The following PNN variants were observed in gnomAD, a reference collection of about 807,000 sequenced individuals.
The protein encoded by PNN is pinin, desmosome associated protein, also known as pinin.
A neutral mutation model predicts 76.6 loss-of-function variants in PNN; 38 were observed. The observed-to-expected ratio is 0.50, with a 90% CI of 0.38 to 0.65. The LOEUF (loss-of-function observed/expected upper bound fraction) is 0.65. Among genes scored for constraint, PNN ranks in the 30% least tolerant of loss-of-function variants. The pLI, the probability that PNN is intolerant of heterozygous loss-of-function variation, is 0.00. For missense variants in PNN, 873 were observed against 874.1 expected (o/e 1.00, Z 0.02); for synonymous variants, 366 against 283.7 (o/e 1.29, Z -2.91).
rs186536891 is a variant in PNN at position 39,179,949 on chromosome 14, A to G, written c.793+487A>G. On this transcript the variant is annotated intron_variant, in intron 8 of 8. Coordinates refer to ENST00000216832, the MANE Select transcript of PNN (RefSeq NM_002687.4). ...TCTGAGATGCTGGTGAGTTTGTAGT[A>G]TAGGAATATTTGTATCATGATGGAG... 1.4e-4 allele frequency among the ~76,000 whole-genome samples: 22 copies of G among 152,070 alleles called. No homozygotes were observed. In the East Asian group the frequency reaches 3.9e-3, roughly 27 times the overall value.
intron 6 of PNN, among the ~76,000 whole-genome samples, chr14:39,178,742 AAAAATT>A (rs1430633123): frequency 2.7e-5 from 4 of 147,060 alleles, no homozygotes; most frequent in African/African-American, 1.1e-4. Flanking sequence ...AAAAAAAAAA[AAAAATT>A]TTTTTTGAGA....
chr14:39,179,849 C>T (rs2053256859), intron 8 of PNN, among the ~76,000 whole-genome samples: 1 of 151,482 alleles, frequency 6.6e-6, no homozygotes, highest in Non-Finnish European at 1.5e-5. Context: ...TTGCAGTGAG[C>T]CGAGATTACG....
chr14:39,176,344 T>G (rs1019152487), intron 2 of PNN, 183 bp from the exon 3 acceptor site: 14 of 635,766 alleles, frequency 2.2e-5, no homozygotes, highest in Admixed American at 6.3e-5. Context: ...ATATTAAGTT[T>G]ACCAATTTTG....
Position 39,177,312 on chromosome 14 carries a change from G to C in PNN, c.255-100G>C, listed in dbSNP as rs1050059267. ...GAGGCAGGAGGATCACTTGAGCCTG[G>C]GAGGTCGAGGCTGCAGTGAACCGTG... On this transcript the variant is annotated intron_variant, in intron 3 of 8. Transcript: ENST00000216832. 28 of 867,364 alleles carry C rather than the reference G, an allele frequency of 3.2e-5. No individual in the cohort carries two copies. In the Admixed American group the frequency reaches 6.4e-4, roughly 20 times the overall value. The allele number at this position is 867,364 out of a possible 1,614,324, so 53.7% of individuals were successfully genotyped here.
In PNN at chr14:39,179,901, C is replaced by CA. The variant is rs548024138; in HGVS notation, c.793+454dup. Among the ~76,000 whole-genome samples the CA allele has an allele frequency of 4.6e-3, 523 of 112,942 alleles. 8 individuals are homozygous for CA. Among genetic ancestry groups the CA allele is most frequent in the East Asian group, 0.017 (66 of 3,816 alleles). The allele number at this position is 112,942 out of a possible 152,430, so 74.1% of individuals were successfully genotyped here. A position where few individuals can be genotyped will look rare whatever the true frequency, so the allele number is the denominator to read the frequency against. On this transcript the variant is annotated intron_variant, in intron 8 of 8. Transcript: ENST00000216832. Reference sequence around the variant, plus strand: ...TGGGCAACAGAGCTAGACTCCATCTCAAAAAAAAAAAAAAAGATACATTCT... The same window carrying CA: ...TGGGCAACAGAGCTAGACTCCATCTCAAAAAAAAAAAAAAAAGATACATTCT...
At position 39,181,333 on chromosome 14, in the gene PNN, G is replaced by A. The variant is rs1350306260; in HGVS notation, c.1624G>A (p.Val542Ile). ...VESVKLTEVP[V>I]EPVLTVHPES... ...GTCTGTAAAACTCACTGAGGTACCAGTAGAGCCAGTCTTGACAGTACATCC... is the reference window on the plus strand; with the variant it reads ...GTCTGTAAAACTCACTGAGGTACCAATAGAGCCAGTCTTGACAGTACATCC... The change falls in exon 9 of 9, where the codon GTA (valine) becomes ATA (isoleucine). Residue 542 changes from valine to isoleucine, a missense_variant. Transcript: ENST00000216832. 1.2e-6 allele frequency: 2 copies of A among 1,614,082 alleles called. No individual in the cohort carries two copies. Among genetic ancestry groups the A allele is most frequent in the African/African-American group, 1.3e-5 (1 of 74,940 alleles).
Position 39,180,833 on chromosome 14 carries a change from G to T in PNN, c.1124G>T (p.Ser375Ile). The change falls in exon 9 of 9, where the codon AGT becomes ATT. Residue 375 changes from serine to isoleucine, a missense_variant. Around this residue, in one of 3 missense-constraint regions of PNN, gnomAD observed 712 missense variants for 693.1 expected, o/e 1.03. Coordinates refer to ENST00000216832, the MANE Select transcript of PNN (RefSeq NM_002687.4). The part of the protein sequence containing the change: ...KMEEETEVRE[S>I]EKQQDSQPEE... ...GAGGAGGAAACTGAGGTAAGGGAAA[G>T]TGAGAAGCAGCAGGATAGTCAGCCT... is the stretch of plus-strand genomic sequence containing the variant. 6.2e-7 allele frequency: 1 copy of T among 1,614,108 alleles called. No individual in the cohort carries two copies. The highest frequency in any genetic ancestry group is 8.5e-7 in the Non-Finnish European group (1 of 1,179,998).
rs548409787 is a variant in PNN at position 39,178,801 on chromosome 14, G to A, written c.499-290G>A. Among the ~76,000 whole-genome samples, 6 of 151,804 alleles carry A rather than the reference G, an allele frequency of 4.0e-5. No homozygotes were observed. The South Asian group carries it at 1.0e-3, about 26-fold the overall frequency. ...TGCTCAGGCTGGAGTGTAGTGGCGTGATCTCAGCTCACTGCAACCTCCGCC... is the reference window on the plus strand; with the variant it reads ...TGCTCAGGCTGGAGTGTAGTGGCGTAATCTCAGCTCACTGCAACCTCCGCC... On this transcript the variant is annotated intron_variant, in intron 6 of 8. Coordinates refer to ENST00000216832, the MANE Select transcript of PNN (RefSeq NM_002687.4).
At position 39,180,966 on chromosome 14, in the gene PNN, T is replaced by C. The variant is rs748307450; in HGVS notation, c.1257T>C (p.Asn419=). ...TTGAAAGTGTAGAACCTTCAGAAAA[T>C]GAAGCTAGCAAAGAATTGGAACCAG... ...NRVESVEPSE[N]EASKELEPEM... Residue 419 remains asparagine, a synonymous_variant, in exon 9 of 9, where the codon AAT becomes AAC. Transcript: ENST00000216832. 6.2e-7 allele frequency: 1 copy of C among 1,613,636 alleles called. No individual in the cohort carries two copies. The highest frequency in any genetic ancestry group is 8.5e-7 in the Non-Finnish European group (1 of 1,179,898).
intron 1 of PNN, 195 bp from the exon 2 acceptor site, chr14:39,175,883 C>T: frequency 3.6e-6 from 2 of 559,704 alleles, no homozygotes; most frequent in Non-Finnish European, 6.3e-6. Context: ...ATTTCTGTGA[C>T]ACAGGTCCTG....
chr14:39,179,648 C>T (rs1420025297), intron 8 of PNN, among the ~76,000 whole-genome samples, 186 bp downstream of exon 8: 1 of 151,830 alleles, frequency 6.6e-6, no homozygotes, highest in Non-Finnish European at 1.5e-5. Flanking sequence ...AATCCCAGCA[C>T]TTTGGGAGGC....
In PNN at chr14:39,181,864, T is replaced by C; in HGVS notation, c.*1T>C. 6.4e-7 allele frequency: 1 copy of C among 1,569,564 alleles called. No homozygotes were observed. Among genetic ancestry groups the C allele is most frequent in the Non-Finnish European group, 8.6e-7 (1 of 1,165,114 alleles). On this transcript the variant is annotated 3_prime_UTR_variant, in exon 9 of 9. Coordinates refer to ENST00000216832, the MANE Select transcript of PNN (RefSeq NM_002687.4). Reference sequence around the variant, plus strand: ...AGACAGGAAAGACAAAAGGCGTTAATGGAAGAAGCCAGGCTTTCTTAGCCA... The same window carrying C: ...AGACAGGAAAGACAAAAGGCGTTAACGGAAGAAGCCAGGCTTTCTTAGCCA...
Position 39,181,301 on chromosome 14 carries a change from C to T in PNN, c.1592C>T (p.Pro531Leu), listed in dbSNP as rs764031918. Residue 531 changes from proline to leucine, a missense_variant, in exon 9 of 9, where the codon CCT becomes CTT. Around this residue, in one of 3 missense-constraint regions of PNN, gnomAD observed 712 missense variants for 693.1 expected, o/e 1.03. Coordinates refer to ENST00000216832, the MANE Select transcript of PNN (RefSeq NM_002687.4). ...TTACTACCTGAGAGGAAGGATTTTCCTGTAGAGTCTGTAAAACTCACTGAG... is the reference window on the plus strand; with the variant it reads ...TTACTACCTGAGAGGAAGGATTTTCTTGTAGAGTCTGTAAAACTCACTGAG... ...GHLLPERKDFPVESVKLTEVP... is the reference protein window; with the variant it reads ...GHLLPERKDFLVESVKLTEVP... 54 of 1,614,040 alleles carry T rather than the reference C, an allele frequency of 3.3e-5. No individual in the cohort carries two copies. The highest frequency in any genetic ancestry group is 4.5e-5 in the Non-Finnish European group (53 of 1,180,004).
Position 39,180,717 on chromosome 14 carries a change from G to A in PNN, c.1008G>A (p.Glu336=). ...ATGTAGAAATAGAGGAAGCAGGAGA[G>A]GAAGAGGAAAAGGAAATAGCGATTG... ...HNDVEIEEAG[E]EEEKEIAIVH... is the part of the protein sequence containing the mutation. Residue 336 remains glutamate, a synonymous_variant, in exon 9 of 9, where the codon GAG becomes GAA. Transcript: ENST00000216832. 6.3e-7 allele frequency: 1 copy of A among 1,598,950 alleles called. No homozygotes were observed. The highest frequency in any genetic ancestry group is 8.5e-7 in the Non-Finnish European group (1 of 1,171,518).
chr14:39,176,624 T>G (rs370015567), intron 3 of PNN, 29 bp downstream of exon 3: 9 of 1,272,394 alleles, frequency 7.1e-6, no homozygotes, highest in South Asian at 1.3e-5. Flanking sequence ...TCCTGAAGGC[T>G]TCTTTAGTTT....
Position 39,180,980 on chromosome 14 carries a change from A to T in PNN, c.1271A>T (p.Glu424Val). The change falls in exon 9 of 9, where the codon GAA (glutamate) becomes GTA (valine). Residue 424 changes from glutamate to valine, a missense_variant. Coordinates refer to ENST00000216832, the MANE Select transcript of PNN (RefSeq NM_002687.4). Reference sequence around the variant, plus strand: ...CCTTCAGAAAATGAAGCTAGCAAAGAATTGGAACCAGAAATGGAATTTGAA... The same window carrying T: ...CCTTCAGAAAATGAAGCTAGCAAAGTATTGGAACCAGAAATGGAATTTGAA... ...VEPSENEASK[E>V]LEPEMEFEIE... is the part of the protein sequence containing the mutation. 1.2e-6 allele frequency: 2 copies of T among 1,613,618 alleles called. No homozygotes were observed. The highest frequency in any genetic ancestry group is 1.7e-6 in the Non-Finnish European group (2 of 1,179,812).
Position 39,180,556 on chromosome 14 carries a change from G to A in PNN, c.847G>A (p.Ala283Thr). 1.9e-6 allele frequency: 3 copies of A among 1,610,756 alleles called. No homozygotes were observed. In the South Asian group the frequency reaches 3.3e-5, roughly 18 times the overall value. The change falls in exon 9 of 9, where the codon GCT becomes ACT. Residue 283 changes from alanine to threonine, a missense_variant. Ala to Thr is a moderately conservative substitution (Grantham distance 58, BLOSUM62 0). Coordinates refer to ENST00000216832, the MANE Select transcript of PNN (RefSeq NM_002687.4). ...EFAEQINKME[A>T]RPRRQSMKEK... ...TGCAGAACAAATAAATAAAATGGAG[G>A]CTAGGCCTAGAAGACAATCAATGAA...
At position 39,180,965 on chromosome 14, in the gene PNN, A is replaced by G. The variant is rs145173115; in HGVS notation, c.1256A>G (p.Asn419Ser). 65 of 1,613,838 alleles carry G rather than the reference A, an allele frequency of 4.0e-5. No homozygotes were observed. Among genetic ancestry groups the G allele is most frequent in the African/African-American group, 2.7e-5 (2 of 74,920 alleles). Residue 419 changes from asparagine to serine, a missense_variant, in exon 9 of 9, where the codon AAT becomes AGT. Around this residue, in one of 3 missense-constraint regions of PNN, gnomAD observed 712 missense variants for 693.1 expected, o/e 1.03. Transcript: ENST00000216832. ...NRVESVEPSENEASKELEPEM... is the reference protein window; with the variant it reads ...NRVESVEPSESEASKELEPEM... ...GTTGAAAGTGTAGAACCTTCAGAAA[A>G]TGAAGCTAGCAAAGAATTGGAACCA... is the stretch of plus-strand genomic sequence containing the variant.
At chr14:39,178,101 A>C (rs1421183190) in intron 6 of PNN, among the ~76,000 whole-genome samples, 185 bp downstream of exon 6, 5 of 152,166 alleles carry the variant, frequency 3.3e-5, no homozygotes, top group Non-Finnish European at 5.9e-5. Context: ...GGAATATAAC[A>C]GTTGTTGATA....
Sources: gnomAD v4.1 joint callset for allele counts (sites outside exome capture counted in the v4.1 genomes callset) on GRCh38, gnomAD v4.1.1 for gene constraint, gnomAD v4.1.1 regional missense constraint, MANE v1.5 for transcripts, NCBI Gene and HGNC (gene_info 2026-07-23, HGNC 2026-07-21) for gene names.